HR: variants seen among roughly 807,000 people sequenced by gnomAD.
HR encodes lysine-specific demethylase hairless.
Under a neutral mutation model 128.6 loss-of-function variants are expected in HR, and 83 were observed. The ratio of observed to expected loss-of-function variants is 0.65; its 90% CI spans 0.54 to 0.77. The LOEUF (loss-of-function observed/expected upper bound fraction) is 0.77, where lower values mean the gene tolerates loss of function less well. Ranked by LOEUF, HR falls within the 30% of genes least tolerant of loss-of-function variation. The pLI, the probability that HR is intolerant of heterozygous loss-of-function variation, is 0.00. For synonymous variants in HR, 681 were observed against 658.2 expected (o/e 1.03, Z -0.53); for missense variants, 1,490 against 1,574.6 (o/e 0.95, Z 0.91).
chr8:22,115,834 T>A, intron 18 of HR, 72 bp from the exon 19 acceptor site: 1 of 1,446,016 alleles, frequency 6.9e-7, no homozygotes, highest in Non-Finnish European at 9.6e-7. Context: ...CCACCCTACT[T>A]AAAAGGAATA....
chr8:22,125,165 A>T (rs765826821), intron 5 of HR, 146 bp downstream of exon 5: 10 of 757,634 alleles, frequency 1.3e-5, no homozygotes, highest in Non-Finnish European at 1.9e-5. Context: ...ACCCAGTTTG[A>T]CACCTTCCTG....
intron 18 of HR, 128 bp from the exon 19 acceptor site, chr8:22,115,890 G>T (rs1462241741): frequency 1.1e-5 from 10 of 906,574 alleles, no homozygotes; most frequent in African/African-American, 1.6e-5. Flanking sequence ...CAGCACTTTG[G>T]GAGGCCAAGG....
rs200414215 is a variant in HR, at chr8:22,120,122, C to T, written c.2828G>A (p.Gly943Glu). ...GSVLLLHRAL[G>E]DEDTSRVENL... ...TACACACCTGCTGGTGTCCTCATCC[C>T]CCAAAGCTCGGTGCAGCAGGAGGAC... The change falls in exon 13 of 19, where the codon GGG becomes GAG. Residue 943 changes from glycine to glutamate, a missense_variant. Gly to Glu is a moderately conservative substitution (Grantham distance 98). Transcript: ENST00000381418. 2.5e-6 allele frequency: 4 copies of T among 1,590,806 alleles called. No homozygotes were observed. The highest frequency in any genetic ancestry group is 1.8e-5 in the Admixed American group (1 of 55,070).
At chr8:22,123,616 A>AGGGGGGGCCC in intron 6 of HR, 33 bp downstream of exon 6, 4 of 562,348 alleles carry the variant, frequency 7.1e-6, no homozygotes, top group African/African-American at 2.0e-5. Context: ...TGAGGGCTCC[A>AGGGGGGGCCC]TCCCGCCCTC....
intron 6 of HR, 33 bp downstream of exon 6, chr8:22,123,616 A>AGGGGGGGGGCCCCCCCCCC: frequency 1.8e-6 from 1 of 562,348 alleles, no homozygotes; most frequent in Non-Finnish European, 3.0e-6. Context: ...TGAGGGCTCC[A>AGGGGGGGGGCCCCCCCCCC]TCCCGCCCTC....
chr8:22,124,534 C>T (rs1826837482), intron 5 of HR, among the ~76,000 whole-genome samples: 1 of 152,206 alleles, frequency 6.6e-6, no homozygotes, highest in South Asian at 2.1e-4. Context: ...GCCCCTGCCT[C>T]GCAGTGCACA....
At chr8:22,120,234 C>T in intron 12 of HR, 61 bp from the exon 13 acceptor site, 1 of 1,601,912 alleles carries the variant, frequency 6.2e-7, no homozygotes, top group Non-Finnish European at 8.5e-7. Flanking sequence ...GCCCCGGCGG[C>T]AGCAACACCT....
chr8:22,120,114 C>T lies in HR; in HGVS notation c.2836G>A (p.Asp946Asn). ...TGGTGACATACACACCTGCTGGTGTCCTCATCCCCCAAAGCTCGGTGCAGC... is the reference window on the plus strand; with the variant it reads ...TGGTGACATACACACCTGCTGGTGTTCTCATCCCCCAAAGCTCGGTGCAGC... ...LLLHRALGDE[D>N]TSRVENLAAS... Residue 946 changes from aspartate (D) to asparagine (N), a missense_variant, in exon 13 of 19, where the codon GAC becomes AAC. Physicochemically the swap from Asp to Asn is conservative, Grantham distance 23 (BLOSUM62 1). Transcript: ENST00000381418. 1.3e-6 allele frequency: 2 copies of T among 1,588,140 alleles called. No homozygotes were observed.
chr8:22,116,429 C>G lies in HR; in HGVS notation c.3379-1G>C. ...TGACTGTGCTCACCAGGCCCTGCAC[C>G]TGTGTCGGGGGGACATGGACAGTGA... is the stretch of plus-strand genomic sequence containing the variant. On this transcript the variant is annotated splice_acceptor_variant, in intron 17 of 18. Coordinates refer to ENST00000381418, the MANE Select transcript of HR (RefSeq NM_005144.5). LOFTEE classifies it high-confidence loss of function. The surrounding 1 kb of genome is among the most constrained non-coding windows in gnomAD (Gnocchi z 4.2). 1.9e-6 allele frequency: 3 copies of G among 1,613,650 alleles called. No homozygotes were observed. Among genetic ancestry groups the G allele is most frequent in the Non-Finnish European group, 2.5e-6 (3 of 1,179,834 alleles).
At chr8:22,120,011 G>A in intron 13 of HR, 93 bp downstream of exon 13, 18 of 1,575,872 alleles carry the variant, frequency 1.1e-5, no homozygotes, top group Non-Finnish European at 1.1e-5. Flanking sequence ...GGACCACGGG[G>A]TGGGGGTTGG....
chr8:22,120,192 C>T lies in HR; in HGVS notation c.2777-19G>A, dbSNP rs117638500. 0.014 allele frequency: 21,577 copies of T among 1,592,896 alleles called. 178 individuals carry two copies. Among genetic ancestry groups the T allele is most frequent in the Middle Eastern group, 0.018 (111 of 6,040 alleles). On this transcript the variant is annotated intron_variant, in intron 12 of 18. Coordinates refer to ENST00000381418, the MANE Select transcript of HR (RefSeq NM_005144.5). ...GGGCGAACTACAGGAGGAGACAGAA[C>T]GGCCATTGGCCTCCTCAGCCCTGAA...
Position 22,115,773 on chromosome 8 carries a change from G to A in HR, c.3508-11C>T. 1 of 1,613,672 alleles carries A rather than the reference G, an allele frequency of 6.2e-7. No homozygotes were observed. The highest frequency in any genetic ancestry group is 8.5e-7 in the Non-Finnish European group (1 of 1,179,782). Reference sequence around the variant, plus strand: ...CACAGCCCAGTCCATCTAGGAAAAAGAGAGAGGACAAAGCATTTTCAACTA... The same window carrying A: ...CACAGCCCAGTCCATCTAGGAAAAAAAGAGAGGACAAAGCATTTTCAACTA... On this transcript the variant is annotated splice_polypyrimidine_tract_variant and intron_variant, in intron 18 of 18. Coordinates refer to ENST00000381418, the MANE Select transcript of HR (RefSeq NM_005144.5).
rs766467180 is a variant in HR, at chr8:22,119,842, G to C, written c.2895C>G (p.Leu965=). ...ASLPLPEYCA[L]HGKLNLASYL... Reference sequence around the variant, plus strand: ...AGGAAGCCAGGTTGAGTTTTCCATGGAGGGCGCAGTACTCCGGAAGTGGCA... The same window carrying C: ...AGGAAGCCAGGTTGAGTTTTCCATGCAGGGCGCAGTACTCCGGAAGTGGCA... Residue 965 remains leucine (L), a synonymous_variant, in exon 14 of 19, where the codon CTC becomes CTG. Coordinates refer to ENST00000381418, the MANE Select transcript of HR (RefSeq NM_005144.5). The C allele has an allele frequency of 1.2e-5, 20 of 1,613,744 alleles. No individual in the cohort carries two copies. Among genetic ancestry groups the C allele is most frequent in the Non-Finnish European group, 1.7e-5 (20 of 1,180,016 alleles).
At chr8:22,121,451 A>G (rs1826750506) in intron 9 of HR, among the ~76,000 whole-genome samples, 162 bp downstream of exon 9, 1 of 151,422 alleles carries the variant, frequency 6.6e-6, no homozygotes, top group Non-Finnish European at 1.5e-5. Context: ...GTCTGGCCAA[A>G]GAAGGTGTTT....
intron 16 of HR, 109 bp from the exon 17 acceptor site, chr8:22,117,148 G>A (rs1256312627): frequency 8.5e-7 from 1 of 1,181,322 alleles, no homozygotes; most frequent in African/African-American, 1.6e-5. Context: ...GAGCCGAAGG[G>A]TCAAGTCTTG....
Position 22,125,444 on chromosome 8 carries a change from C to A in HR, c.1617G>T (p.Glu539Asp). The A allele has an allele frequency of 6.2e-7, 1 of 1,613,504 alleles. No individual in the cohort carries two copies. The highest frequency in any genetic ancestry group is 8.5e-7 in the Non-Finnish European group (1 of 1,180,012). Reference protein sequence around the residue: ...EEDTATNSSSEEGPGSGPDSR... With the variant: ...EEDTATNSSSDEGPGSGPDSR... Reference sequence around the variant, plus strand: ...TGTCAGGGCCGGACCCTGGGCCTTCCTCAGAGCTGGAGTTGGTGGCTGTGT... The same window carrying A: ...TGTCAGGGCCGGACCCTGGGCCTTCATCAGAGCTGGAGTTGGTGGCTGTGT... The change falls in exon 5 of 19, where the codon GAG becomes GAT. Residue 539 changes from glutamate (E) to aspartate (D), a missense_variant. Around this residue, in one of 3 missense-constraint regions of HR, gnomAD observed 1,060 missense variants for 1,060.9 expected, o/e 1.00. Coordinates refer to ENST00000381418, the MANE Select transcript of HR (RefSeq NM_005144.5).
intron 9 of HR, 72 bp from the exon 10 acceptor site, chr8:22,121,300 T>C: frequency 2.6e-6 from 4 of 1,563,598 alleles, no homozygotes; most frequent in South Asian, 1.2e-5. Flanking sequence ...CTCTTGCCCA[T>C]GCTGCTCTTC....
chr8:22,127,166 G>T lies in HR; in HGVS notation c.1276C>A (p.Pro426Thr), dbSNP rs151036296. Reference sequence around the variant, plus strand: ...GGGTCCGGTGGCCGCTTGGGGGCTGGACTGCCCATTGCTCCCTGGACCTCG... The same window carrying T: ...GGGTCCGGTGGCCGCTTGGGGGCTGTACTGCCCATTGCTCCCTGGACCTCG... ...SPEVQGAMGS[P>T]APKRPPDPFP... The change falls in exon 3 of 19, where the codon CCA (proline) becomes ACA (threonine). Residue 426 changes from proline (P) to threonine (T), a missense_variant. This residue lies in a region of HR where 1,060 missense variants were observed against 1,060.9 expected (regional missense o/e 1.00). Coordinates refer to ENST00000381418, the MANE Select transcript of HR (RefSeq NM_005144.5). 6 of 1,612,748 alleles carry T rather than the reference G, an allele frequency of 3.7e-6. No individual in the cohort carries two copies. In the South Asian group the frequency reaches 6.6e-5, roughly 18 times the overall value.
At chr8:22,126,547 C>T (rs190166584) in intron 3 of HR, among the ~76,000 whole-genome samples, 4 of 152,356 alleles carry the variant, frequency 2.6e-5, no homozygotes, top group South Asian at 2.1e-4. Context: ...TTGTGGCACA[C>T]GCAGTCATCA....
Sources: allele counts gnomAD v4.1 joint callset (sites outside exome capture counted in the v4.1 genomes callset), GRCh38; gene constraint gnomAD v4.1.1; regional missense constraint gnomAD v4.1.1; non-coding constraint Gnocchi (gnomAD v3.1); transcripts MANE v1.5; gene names NCBI Gene and HGNC (gene_info 2026-07-23, HGNC 2026-07-21).